FER1L6: variants seen among roughly 807,000 people sequenced by gnomAD.
The protein encoded by FER1L6 is fer-1-like protein 6.
In FER1L6, 177 loss-of-function variants were observed where a neutral mutation model predicts 219.2. The observed-to-expected ratio is 0.81, with a 90% CI of 0.71 to 0.91. FER1L6 has a LOEUF of 0.91. FER1L6 is among the 40% of genes least tolerant of loss of function. The pLI is 0.00. For missense variants in FER1L6, 2,153 were observed against 2,259.9 expected (o/e 0.95, Z 0.96); for synonymous variants, 768 against 824.3 (o/e 0.93, Z 1.17).
Position 123,975,135 on chromosome 8 carries a change from A to T in FER1L6, c.527-15A>T. On this transcript the variant is annotated splice_polypyrimidine_tract_variant and intron_variant, in intron 7 of 40. Coordinates refer to ENST00000522917, the MANE Select transcript of FER1L6 (RefSeq NM_001039112.2). Reference sequence around the variant, plus strand: ...CCATCTGTGAAGGATGTGAGCTGTCAGGGTGCTTTCACAGGTCATCAGTTC... The same window carrying T: ...CCATCTGTGAAGGATGTGAGCTGTCTGGGTGCTTTCACAGGTCATCAGTTC... 3.8e-6 allele frequency: 6 copies of T among 1,577,068 alleles called. No individual in the cohort carries two copies. Among genetic ancestry groups the T allele is most frequent in the Non-Finnish European group, 5.2e-6 (6 of 1,158,492 alleles).
At chr8:123,959,761 G>A (rs1417363825) in intron 2 of FER1L6, among the ~76,000 whole-genome samples, 1 of 152,190 alleles carries the variant, frequency 6.6e-6, no homozygotes, top group South Asian at 2.1e-4. Context: ...CATGGCTTCA[G>A]GAGTGTCTGA....
chr8:123,883,408 G>A (rs569887107), intron 1 of FER1L6, among the ~76,000 whole-genome samples: 7 of 152,188 alleles, frequency 4.6e-5, no homozygotes, highest in African/African-American at 1.2e-4. Flanking sequence ...CCAGGGAATC[G>A]GCTGAGAGCA....
rs375972725 is a variant in FER1L6 at position 123,956,128 on chromosome 8, A to ACCCCTCC, written c.76+55_76+61dup. ...TGGGGCCTGAGAGTCTCGCAGAGTG[A>ACCCCTCC]CCCCTCCGTGGCTGAAAATGCAGTT... On this transcript the variant is annotated intron_variant, in intron 2 of 40. Transcript: ENST00000522917. 357 of 1,486,302 alleles carry ACCCCTCC rather than the reference A, an allele frequency of 2.4e-4. No individual in the cohort carries two copies. The African/African-American group carries it at 2.9e-3, about 12-fold the overall frequency. 92.1% of individuals were successfully genotyped at this position (1,486,302 alleles called of 1,614,324 possible). A position where few individuals can be genotyped will look rare whatever the true frequency, so the allele number is the denominator to read the frequency against.
intron 6 of FER1L6, 105 bp downstream of exon 6, chr8:123,970,202 G>A (rs1426479791): frequency 2.0e-6 from 2 of 1,012,096 alleles, no homozygotes; most frequent in African/African-American, 1.6e-5. Flanking sequence ...ATAGATTCAG[G>A]AGGGCAAGTG....
chr8:123,932,833 TAAA>T (rs1813826227), intron 1 of FER1L6, among the ~76,000 whole-genome samples: 2 of 152,212 alleles, frequency 1.3e-5, no homozygotes, highest in Non-Finnish European at 2.9e-5. Flanking sequence ...GAAAAGAGTA[TAAA>T]TTCTACCCTT....
At chr8:123,910,318 T>C (rs548287695) in intron 1 of FER1L6, among the ~76,000 whole-genome samples, 4 of 152,288 alleles carry the variant, frequency 2.6e-5, no homozygotes, top group South Asian at 2.1e-4. Flanking sequence ...ATCAATGGCA[T>C]GAAGACAATG....
intron 1 of FER1L6, among the ~76,000 whole-genome samples, chr8:123,917,714 G>A (rs1813229697): frequency 6.6e-6 from 1 of 152,120 alleles, no homozygotes; most frequent in Admixed American, 6.5e-5. Flanking sequence ...CTTATTTTTT[G>A]ATGTAAAATT....
At chr8:123,949,144 C>T (rs770622606) in intron 1 of FER1L6, among the ~76,000 whole-genome samples, 9 of 152,188 alleles carry the variant, frequency 5.9e-5, no homozygotes, top group Non-Finnish European at 1.0e-4. Context: ...GATTCTCCTT[C>T]TCTGAAGTCC....
intron 19 of FER1L6, chr8:124,036,083 T>C (rs909849572): frequency 6.6e-6 from 1 of 152,256 alleles, no homozygotes. Flanking sequence ...TGCTTCCAAA[T>C]TACTTCCATT....
At chr8:123,882,353 T>G (rs1158811321) in intron 1 of FER1L6, among the ~76,000 whole-genome samples, 2 of 152,184 alleles carry the variant, frequency 1.3e-5, no homozygotes, top group African/African-American at 4.8e-5. Context: ...TAGCAGCCCC[T>G]GCATAGATGA....
rs867750959 is a variant in FER1L6, at chr8:124,060,602, C to T, written c.3040C>T (p.Arg1014Trp). The T allele has an allele frequency of 2.5e-6, 4 of 1,614,014 alleles. No individual in the cohort carries two copies. In the South Asian group the frequency reaches 3.3e-5, roughly 13 times the overall value. Residue 1014 changes from arginine (R) to tryptophan (W), a missense_variant, in exon 24 of 41, where the codon CGG becomes TGG. Physicochemically the swap from Arg to Trp is moderately radical, Grantham distance 101. Transcript: ENST00000522917. ...MKKVQLLSVD[R>W]PQALIECGGQ... is the part of the protein sequence containing the mutation. Reference sequence around the variant, plus strand: ...GAAGGTGCAGCTCCTCTCTGTGGATCGGCCTCAGGCTCTCATTGAGTGCGG... The same window carrying T: ...GAAGGTGCAGCTCCTCTCTGTGGATTGGCCTCAGGCTCTCATTGAGTGCGG...
intron 1 of FER1L6, among the ~76,000 whole-genome samples, chr8:123,954,669 C>T (rs1487864298): frequency 3.3e-5 from 5 of 152,180 alleles, no homozygotes; most frequent in African/African-American, 1.2e-4. Flanking sequence ...TTTAGAGAGA[C>T]TAAGTGACCT....
chr8:123,910,698 C>G (rs1334375030), intron 1 of FER1L6, among the ~76,000 whole-genome samples: 1 of 152,052 alleles, frequency 6.6e-6, no homozygotes, highest in South Asian at 2.1e-4. Flanking sequence ...TAAGTGTCTT[C>G]TAGTGGGAGG....
At chr8:123,983,940 T>A (rs532114552) in intron 11 of FER1L6, among the ~76,000 whole-genome samples, 1 of 152,280 alleles carries the variant, frequency 6.6e-6, no homozygotes, top group South Asian at 2.1e-4. Context: ...AATTTCAGGA[T>A]ATAGTGTGGG....
rs766711536 is a variant in FER1L6, at chr8:124,094,971, G to A, written c.4628G>A (p.Cys1543Tyr). 8.1e-6 allele frequency: 13 copies of A among 1,614,054 alleles called. No homozygotes were observed. In the Admixed American group the frequency reaches 1.3e-4, roughly 17 times the overall value. ...TGGGAGGATATCCCGGAAGTCGGGT[G>A]TAGGCTGGTTCCTGAACACATAGAA... ...HSWEDIPEVG[C>Y]RLVPEHIETR... The change falls in exon 35 of 41, where the codon TGT becomes TAT. Residue 1543 changes from cysteine to tyrosine, a missense_variant. Coordinates refer to ENST00000522917, the MANE Select transcript of FER1L6 (RefSeq NM_001039112.2).
At position 124,092,943 on chromosome 8, in the gene FER1L6, C is replaced by T. The variant is rs1306922508; in HGVS notation, c.4552+1360C>T. 3.3e-5 allele frequency among the ~76,000 whole-genome samples: 5 copies of T among 151,284 alleles called. No individual in the cohort carries two copies. The South Asian group carries it at 6.3e-4, about 19-fold the overall frequency. On this transcript the variant is annotated intron_variant, in intron 34 of 40. Coordinates refer to ENST00000522917, the MANE Select transcript of FER1L6 (RefSeq NM_001039112.2). ...TGATCTAGGCTCACTGCAACCTCCA[C>T]CTCCCGGGTAGCTGGGATTACAGGC...
At chr8:123,908,706 A>G (rs1813001318) in intron 1 of FER1L6, among the ~76,000 whole-genome samples, 1 of 152,220 alleles carries the variant, frequency 6.6e-6, no homozygotes, top group African/African-American at 2.4e-5. Context: ...TGGAGGAGAT[A>G]GACTTGAAGT....
At chr8:124,072,277 G>C (rs1170686262) in intron 31 of FER1L6, among the ~76,000 whole-genome samples, 1 of 152,166 alleles carries the variant, frequency 6.6e-6, no homozygotes, top group African/African-American at 2.4e-5. Context: ...ATTTCACTTT[G>C]AGTGTATTTC....
chr8:123,950,046 G>T (rs1301285518), intron 1 of FER1L6, among the ~76,000 whole-genome samples: 1 of 152,168 alleles, frequency 6.6e-6, no homozygotes, highest in African/African-American at 2.4e-5. Context: ...AGAGTGGAGA[G>T]CAGGGCTTTA....
Sources: gnomAD v4.1 joint callset for allele counts (sites outside exome capture counted in the v4.1 genomes callset) on GRCh38, gnomAD v4.1.1 for gene constraint, MANE v1.5 for transcripts, NCBI Gene and HGNC (gene_info 2026-07-23, HGNC 2026-07-21) for gene names.